Variants in ERCC8 observed in about 807,000 individuals in gnomAD.
ERCC8 encodes the protein ERCC excision repair 8, CSA ubiquitin ligase complex subunit, also known as DNA excision repair protein ERCC-8.
Under a neutral mutation model 54.9 loss-of-function variants are expected in ERCC8, and 52 were observed. The ratio of observed to expected loss-of-function variants is 0.95; its 90% CI spans 0.76 to 1.19. The LOEUF (loss-of-function observed/expected upper bound fraction) is 1.19. Among genes scored for constraint, ERCC8 ranks in the 50% most tolerant of loss-of-function variants. The probability of loss-of-function intolerance (pLI) is 0.00; values close to 1 mark genes in which losing one functional copy is unlikely to be tolerated. For missense variants in ERCC8, 514 were observed against 466.1 expected (o/e 1.10, Z -0.95); for synonymous variants, 146 against 157.2 (o/e 0.93, Z 0.53).
At chr5:60,906,629 T>G (rs953517210) in intron 4 of ERCC8, among the ~76,000 whole-genome samples, 25 of 151,894 alleles carry the variant, frequency 1.6e-4, no homozygotes, top group Non-Finnish European at 4.4e-5. Context: ...TATGAGAGGC[T>G]GAGGCAGGAG....
chr5:60,874,535 G>T lies in ERCC8; in HGVS notation c.*80C>A. 8.1e-7 allele frequency: 1 copy of T among 1,239,742 alleles called. No individual in the cohort carries two copies. The highest frequency in any genetic ancestry group is 1.2e-6 in the Non-Finnish European group (1 of 851,144). 76.8% of individuals were successfully genotyped at this position (1,239,742 alleles called of 1,614,324 possible). On this transcript the variant is annotated 3_prime_UTR_variant, in exon 12 of 12. Transcript: ENST00000676185. ...ACATTTAGGGCTAATTTAGCTGTCAGGAATAGACCATACAGTTGAAAAAAA... is the reference window on the plus strand; with the variant it reads ...ACATTTAGGGCTAATTTAGCTGTCATGAATAGACCATACAGTTGAAAAAAA...
rs1418568392 is a variant in ERCC8 at position 60,938,104 on chromosome 5, T to A, written c.77+6828A>T. Among the ~76,000 whole-genome samples the A allele has an allele frequency of 1.1e-3, 143 of 134,282 alleles. 2 individuals are homozygous for A. Among genetic ancestry groups the A allele is most frequent in the African/African-American group, 3.8e-3 (138 of 36,668 alleles). The allele number at this position is 134,282 out of a possible 152,430, so 88.1% of individuals were successfully genotyped here. A position where few individuals can be genotyped will look rare whatever the true frequency, so the allele number is the denominator to read the frequency against. On this transcript the variant is annotated intron_variant, in intron 1 of 11. Transcript: ENST00000676185. ...ATATATATTTTATTTTTTTTTTTTT[T>A]AGGTTACGAAGTTTCATTGAATATA...
At chr5:60,881,191 C>T (rs1246749130) in intron 11 of ERCC8, among the ~76,000 whole-genome samples, 1 of 152,130 alleles carries the variant, frequency 6.6e-6, no homozygotes, top group Non-Finnish European at 1.5e-5. Flanking sequence ...TGGTGAATAG[C>T]AAATGTTGCT....
intron 1 of ERCC8, among the ~76,000 whole-genome samples, chr5:60,937,144 A>G (rs1750090594): frequency 6.6e-6 from 1 of 152,246 alleles, no homozygotes; most frequent in African/African-American, 2.4e-5. Context: ...CAGGTCTCTC[A>G]GCCGTGGATA....
rs1471742511 is a variant in ERCC8 at position 60,923,417 on chromosome 5, GT to G, written c.174-1263del. 4.6e-5 allele frequency among the ~76,000 whole-genome samples: 7 copies of G among 151,726 alleles called. No homozygotes were observed. In the South Asian group the frequency reaches 1.5e-3, roughly 32 times the overall value. The stretch of plus-strand genomic sequence containing the variant: ...GGGATTTTTCAATATGATCTTATTA[GT>G]TTTTTTGGCATAAAATTGTCTAAAA... On this transcript the variant is annotated intron_variant, in intron 2 of 11. Transcript: ENST00000676185.
chr5:60,907,620 T>C (rs1350227465), intron 4 of ERCC8: 1 of 152,244 alleles, frequency 6.6e-6, no homozygotes, highest in African/African-American at 2.4e-5. Flanking sequence ...TGTGTTCAGA[T>C]TCCCTTCAGC....
At chr5:60,877,307 G>A (rs1254574632) in intron 11 of ERCC8, among the ~76,000 whole-genome samples, 2 of 152,194 alleles carry the variant, frequency 1.3e-5, no homozygotes, top group Non-Finnish European at 2.9e-5. Flanking sequence ...TTGAAGTCAG[G>A]TAGTGTGATG....
chr5:60,866,602 A>G lies in ERCC8; in HGVS notation c.*8013T>C, dbSNP rs1747753698. On this transcript the variant is annotated 3_prime_UTR_variant, in exon 12 of 12. Coordinates refer to ENST00000676185, the MANE Select transcript of ERCC8 (RefSeq NM_000082.4). ...TAATTCACATGGAAACTTTGCTTTA[A>G]AAGTGTAATTCAGGCAAAATTCATT... 6.6e-6 allele frequency: 1 copy of G among 152,214 alleles called. No homozygotes were observed. The highest frequency in any genetic ancestry group is 2.1e-4 in the South Asian group (1 of 4,832). 9.4% of individuals were successfully genotyped at this position (152,214 alleles called of 1,614,324 possible). A position where few individuals can be genotyped will look rare whatever the true frequency, so the allele number is the denominator to read the frequency against.
intron 11 of ERCC8, among the ~76,000 whole-genome samples, chr5:60,884,475 C>CAAAA (rs71606647): frequency 1.4e-5 from 1 of 70,840 alleles, no homozygotes; most frequent in Admixed American, 2.0e-4. Flanking sequence ...GACTCCTTCT[C>CAAAA]AAAAAAAAAA....
chr5:60,923,593 T>C (rs1749663264), intron 2 of ERCC8, among the ~76,000 whole-genome samples: 1 of 152,122 alleles, frequency 6.6e-6, no homozygotes, highest in South Asian at 2.1e-4. Flanking sequence ...AATGTGCAAA[T>C]ATTTCAGGTT....
At position 60,918,329 on chromosome 5, in the gene ERCC8, G is replaced by C; in HGVS notation, c.335C>G (p.Thr112Ser). 6.3e-7 allele frequency: 1 copy of C among 1,595,020 alleles called. No homozygotes were observed. Among genetic ancestry groups the C allele is most frequent in the Non-Finnish European group, 8.6e-7 (1 of 1,163,000 alleles). Residue 112 changes from threonine (T) to serine (S), a missense_variant, in exon 4 of 12, where the codon ACT (threonine) becomes AGT (serine). Coordinates refer to ENST00000676185, the MANE Select transcript of ERCC8 (RefSeq NM_000082.4). ...AAATGAGCTTGATGTGAACATGCCA[G>C]TGTCATGAGGATACCACTGTACAGT... ...VETVQWYPHD[T>S]GMFTSSSFDK...
chr5:60,923,387 TA>T (rs376333661), intron 2 of ERCC8, among the ~76,000 whole-genome samples: 23 of 152,250 alleles, frequency 1.5e-4, no homozygotes, highest in African/African-American at 5.3e-4. Flanking sequence ...TGTGTTTTTT[TA>T]AATGGGATTT....
intron 9 of ERCC8, chr5:60,893,735 C>G: frequency 2.4e-6 from 1 of 411,112 alleles, no homozygotes; most frequent in Non-Finnish European, 4.4e-6. Flanking sequence ...ACTCCGCCCA[C>G]TGGGCAGTCT....
In ERCC8 at chr5:60,900,715, T is replaced by G. The variant is rs536053265; in HGVS notation, c.618-988A>C. On this transcript the variant is annotated intron_variant, in intron 7 of 11. Coordinates refer to ENST00000676185, the MANE Select transcript of ERCC8 (RefSeq NM_000082.4). ...AATGAAATCAGTATGAGGATTTAAG[T>G]CTCTTCTGAAACAGATTAGATTTGA... 3.9e-5 allele frequency: 6 copies of G among 152,206 alleles called. No individual in the cohort carries two copies. In the South Asian group the frequency reaches 8.3e-4, roughly 21 times the overall value. 9.4% of individuals were successfully genotyped at this position (152,206 alleles called of 1,614,324 possible). A position where few individuals can be genotyped will look rare whatever the true frequency, so the allele number is the denominator to read the frequency against.
rs112918297 is a variant in ERCC8, at chr5:60,902,862, G to A, written c.551-354C>T. On this transcript the variant is annotated intron_variant, in intron 6 of 11. Transcript: ENST00000676185. Reference sequence around the variant, plus strand: ...GATAAACATTTTAAAGGATAAAAATGTTTTCCAATTTCTCATAAAGTTATA... The same window carrying A: ...GATAAACATTTTAAAGGATAAAAATATTTTCCAATTTCTCATAAAGTTATA... Among the ~76,000 whole-genome samples the A allele has an allele frequency of 5.7e-4, 87 of 152,040 alleles. 1 individual carries two copies. The highest frequency in any genetic ancestry group is 2.0e-3 in the African/African-American group (84 of 41,528).
In ERCC8 at chr5:60,868,017, C is replaced by T. The variant is rs1028250026; in HGVS notation, c.*6598G>A. Reference sequence around the variant, plus strand: ...CCAACATGGAGAAACCCTGTCTCTACTAAAAATACAAAATAAGCCAGGCAT... The same window carrying T: ...CCAACATGGAGAAACCCTGTCTCTATTAAAAATACAAAATAAGCCAGGCAT... On this transcript the variant is annotated 3_prime_UTR_variant, in exon 12 of 12. Coordinates refer to ENST00000676185, the MANE Select transcript of ERCC8 (RefSeq NM_000082.4). Among the ~76,000 whole-genome samples, 1 of 152,086 alleles carries T rather than the reference C, an allele frequency of 6.6e-6. No individual in the cohort carries two copies. Among genetic ancestry groups the T allele is most frequent in the African/African-American group, 2.4e-5 (1 of 41,420 alleles).
chr5:60,871,424 G>A lies in ERCC8; in HGVS notation c.*3191C>T, dbSNP rs1747860719. ...CTATATGTCTGCATAGATATATATA[G>A]GATTGCAATATGAAAGAACACAGTC... On this transcript the variant is annotated 3_prime_UTR_variant, in exon 12 of 12. Transcript: ENST00000676185. Among the ~76,000 whole-genome samples the A allele has an allele frequency of 6.6e-6, 1 of 152,102 alleles. No individual in the cohort carries two copies. Among genetic ancestry groups the A allele is most frequent in the Non-Finnish European group, 1.5e-5 (1 of 68,024 alleles).
intron 1 of ERCC8, among the ~76,000 whole-genome samples, chr5:60,939,239 CTTGT>C (rs1461743966): frequency 6.6e-5 from 10 of 152,182 alleles, no homozygotes; most frequent in African/African-American, 9.7e-5. Context: ...ATATTTCCAG[CTTGT>C]TTATTATTAT....
chr5:60,917,875 C>A, intron 4 of ERCC8: 1 of 199,640 alleles, frequency 5.0e-6, no homozygotes, highest in Non-Finnish European at 1.0e-5. Context: ...AAGATAAATC[C>A]AATTTTCTAC....
Sources: gnomAD v4.1 joint callset for allele counts (sites outside exome capture counted in the v4.1 genomes callset) on GRCh38, gnomAD v4.1.1 for gene constraint, MANE v1.5 for transcripts, NCBI Gene and HGNC (gene_info 2026-07-23, HGNC 2026-07-21) for gene names.